The following RTL4 variants were observed in gnomAD, a reference collection of about 807,000 sequenced individuals.
RTL4 encodes retrotransposon Gag like 4, also known as retrotransposon Gag-like protein 4.
Under a neutral mutation model 5.3 loss-of-function variants are expected in RTL4, and 4 were observed. The ratio of observed to expected loss-of-function variants is 0.75; its 90% CI spans 0.37 to 1.72. The LOEUF is 1.72. Ranked by LOEUF, RTL4 falls within the 40% of genes most tolerant of loss-of-function variation. The pLI is 0.04. For synonymous variants in RTL4, 98 were observed against 87.3 expected, an observed-to-expected ratio of 1.12 and a Z score of -0.68; for missense variants, 260 against 227.1, an observed-to-expected ratio of 1.14 and a Z score of -0.93.
chrX:112,187,530 G>A, the RTL4 span, among the ~76,000 whole-genome samples: 1 of 111,618 alleles, frequency 9.0e-6, no homozygotes, highest in Non-Finnish European at 1.9e-5. Context: ...TCATTCTAGG[G>A]AAGCTAAGAC....
chrX:112,238,892 C>T, the RTL4 span, among the ~76,000 whole-genome samples: 1 of 111,775 alleles, frequency 8.9e-6, no homozygotes, highest in East Asian at 2.8e-4. Context: ...GCTATCCCAT[C>T]CCTCATGGTT....
At chrX:112,338,137 C>A in the RTL4 span, among the ~76,000 whole-genome samples, 1 of 111,810 alleles carries the variant, frequency 8.9e-6, no homozygotes, top group African/African-American at 3.3e-5. Context: ...CATTTTCATA[C>A]ACTCACACAA....
At chrX:112,404,037 A>G in the RTL4 span, among the ~76,000 whole-genome samples, 19 of 110,713 alleles carry the variant, frequency 1.7e-4, no homozygotes, top group Non-Finnish European at 3.4e-4. Context: ...TTTTAGCCTG[A>G]TCTCTCCAGT....
chrX:112,199,089 C>A, the RTL4 span, among the ~76,000 whole-genome samples: 1 of 109,943 alleles, frequency 9.1e-6, no homozygotes, highest in Non-Finnish European at 1.9e-5. Context: ...GAGATCGAGA[C>A]CATCCTGGCT....
the RTL4 span, among the ~76,000 whole-genome samples, chrX:112,181,361 G>T: frequency 9.0e-6 from 1 of 111,600 alleles, no homozygotes; most frequent in Non-Finnish European, 1.9e-5. Flanking sequence ...GGGGGCTGAA[G>T]CCAGGGAGCC....
chrX:112,294,917 G>T, the RTL4 span, among the ~76,000 whole-genome samples: 1 of 112,036 alleles, frequency 8.9e-6, no homozygotes, highest in Non-Finnish European at 1.9e-5. Context: ...ACTCACCATA[G>T]TGTACCAGCC....
chrX:112,146,426 C>T, the RTL4 span, among the ~76,000 whole-genome samples: 3 of 111,216 alleles, frequency 2.7e-5, no homozygotes, highest in Non-Finnish European at 5.7e-5. Flanking sequence ...GAGTTGGCAT[C>T]GCAATTCTGG....
chrX:112,293,273 C>T, the RTL4 span, among the ~76,000 whole-genome samples: 1 of 112,262 alleles, frequency 8.9e-6, no homozygotes, highest in Non-Finnish European at 1.9e-5. Context: ...TAAGGACCTC[C>T]ATCTATAGAC....
At chrX:112,152,657 G>A in the RTL4 span, among the ~76,000 whole-genome samples, 1 of 112,185 alleles carries the variant, frequency 8.9e-6, no homozygotes, top group Non-Finnish European at 1.9e-5. Context: ...AAGTTTGGAA[G>A]AATTGGCCTC....
chrX:112,268,969 G>T, the RTL4 span, among the ~76,000 whole-genome samples: 1 of 112,096 alleles, frequency 8.9e-6, no homozygotes, highest in Non-Finnish European at 1.9e-5. Context: ...CCTGCCGTTT[G>T]AATGCAGAGT....
At chrX:112,237,741 C>T in the RTL4 span, among the ~76,000 whole-genome samples, 7 of 111,846 alleles carry the variant, frequency 6.3e-5, no homozygotes, top group East Asian at 8.5e-4. Flanking sequence ...TATTACCGAG[C>T]GTTACCTGTA....
the RTL4 span, among the ~76,000 whole-genome samples, chrX:112,089,950 G>A: frequency 9.0e-6 from 1 of 111,377 alleles, no homozygotes; most frequent in Admixed American, 9.5e-5. Flanking sequence ...CAGTGTGGAA[G>A]TCTTGCACCT....
chrX:112,279,682 A>C, the RTL4 span, among the ~76,000 whole-genome samples: 1 of 111,340 alleles, frequency 9.0e-6, no homozygotes, highest in African/African-American at 3.3e-5. Flanking sequence ...GTTGAAGCTA[A>C]AGGGAGAAAT....
the RTL4 span, among the ~76,000 whole-genome samples, chrX:112,174,184 A>G: frequency 1.0e-5 from 1 of 99,957 alleles, no homozygotes; most frequent in Admixed American, 1.1e-4. Flanking sequence ...GCACCCACTA[A>G]CTCACCATCT....
the RTL4 span, among the ~76,000 whole-genome samples, chrX:112,216,208 C>T: frequency 9.0e-6 from 1 of 111,647 alleles, no homozygotes; most frequent in Non-Finnish European, 1.9e-5. Context: ...TCCCATAACC[C>T]TTTGGAGCTC....
At chrX:112,119,086 G>A in the RTL4 span, among the ~76,000 whole-genome samples, 1 of 105,307 alleles carries the variant, frequency 9.5e-6, no homozygotes, top group Non-Finnish European at 1.9e-5. Flanking sequence ...TTGAACTCCT[G>A]GGCTCAAGTG....
the RTL4 span, among the ~76,000 whole-genome samples, chrX:112,284,792 T>A: frequency 3.5e-3 from 396 of 111,731 alleles, 4 homozygotes; most frequent in East Asian, 0.06. Context: ...AAAAAGCATA[T>A]TGTCCCAGGT....
the RTL4 span, among the ~76,000 whole-genome samples, chrX:112,247,487 G>A: frequency 0.011 from 1,173 of 111,710 alleles, 20 homozygotes; most frequent in African/African-American, 0.036. Flanking sequence ...CATTTTTTAA[G>A]CTATTATTTA....
At chrX:112,325,172 A>G in the RTL4 span, among the ~76,000 whole-genome samples, 2 of 111,992 alleles carry the variant, frequency 1.8e-5, no homozygotes, top group Non-Finnish European at 3.8e-5. Flanking sequence ...ATGGAAGAAC[A>G]TTCCATGCTC....
Sources: allele counts gnomAD v4.1 joint callset (sites outside exome capture counted in the v4.1 genomes callset), GRCh38; gene constraint gnomAD v4.1.1; transcripts MANE v1.5; gene names NCBI Gene and HGNC (gene_info 2026-07-23, HGNC 2026-07-21).